The following ME1 variants were observed in gnomAD, a reference collection of about 807,000 sequenced individuals.
The protein encoded by ME1 is malic enzyme 1.
ME1 carries 74 observed loss-of-function variants against 66.4 expected under a neutral mutation model. That is an observed-to-expected ratio of 1.11 (90% confidence interval 0.92 to 1.35). The LOEUF is 1.35. ME1 is among the 40% of genes most tolerant of loss of function. ME1 has a pLI of 0.00. For missense variants in ME1, 750 were observed against 694.1 expected (o/e 1.08, Z -0.90); for synonymous variants, 251 against 235.6 (o/e 1.07, Z -0.60).
At chr6:83,266,059 ATC>A (rs1281395827) in intron 6 of ME1, among the ~76,000 whole-genome samples, 6 of 152,180 alleles carry the variant, frequency 3.9e-5, no homozygotes, top group African/African-American at 1.4e-4. Flanking sequence ...TCTATACATA[ATC>A]TTCAAAGAGG....
intron 3 of ME1, among the ~76,000 whole-genome samples, chr6:83,363,641 G>A (rs1769046662): frequency 6.6e-6 from 1 of 152,202 alleles, no homozygotes; most frequent in South Asian, 2.1e-4. Flanking sequence ...GTAGTAGAAG[G>A]TACTCATCAA....
chr6:83,246,745 A>G (rs1790631469), intron 7 of ME1, among the ~76,000 whole-genome samples: 1 of 152,110 alleles, frequency 6.6e-6, no homozygotes, highest in East Asian at 1.9e-4. Context: ...AAAGAATTGT[A>G]TCAGGTAAAG....
At chr6:83,372,907 C>T (rs930412098) in intron 3 of ME1, among the ~76,000 whole-genome samples, 7 of 152,036 alleles carry the variant, frequency 4.6e-5, no homozygotes, top group South Asian at 2.1e-4. Flanking sequence ...CTATGTCCAC[C>T]GGAAAGAAAG....
In ME1 at chr6:83,349,015, A is replaced by AAAAAAAAAAAAAAAC. The variant is rs746037012; in HGVS notation, c.439-2682_439-2681insGTTTTTTTTTTTTTT. On this transcript the variant is annotated intron_variant, in intron 4 of 13. Coordinates refer to ENST00000369705, the MANE Select transcript of ME1 (RefSeq NM_002395.6). ...AAAAAAAAAAAACAAAAAACAAAAA[A>AAAAAAAAAAAAAAAC]CAGTGCATTCTTTCTTATTTCTTCA... 1.5e-4 allele frequency among the ~76,000 whole-genome samples: 19 copies of AAAAAAAAAAAAAAAC among 124,062 alleles called. 3 individuals carry two copies. The highest frequency in any genetic ancestry group is 5.3e-4 in the African/African-American group (17 of 32,268). The allele number at this position is 124,062 out of a possible 152,430, so 81.4% of individuals were successfully genotyped here.
chr6:83,247,137 GTTT>G (rs1375042177), intron 7 of ME1, among the ~76,000 whole-genome samples: 1 of 152,008 alleles, frequency 6.6e-6, no homozygotes, highest in African/African-American at 2.4e-5. Flanking sequence ...AGTCAAACTA[GTTT>G]ATTATGGCAA....
At chr6:83,357,857 A>G (rs933103812) in intron 3 of ME1, among the ~76,000 whole-genome samples, 1 of 141,652 alleles carries the variant, frequency 7.1e-6, no homozygotes, top group African/African-American at 2.7e-5. Flanking sequence ...CAGATGGCCT[A>G]TTGTGAGACC....
At chr6:83,326,975 A>G (rs1172915257) in intron 5 of ME1, among the ~76,000 whole-genome samples, 1 of 152,228 alleles carries the variant, frequency 6.6e-6, no homozygotes, top group Non-Finnish European at 1.5e-5. Flanking sequence ...TGGATTGTGA[A>G]GATTTTATAG....
intron 9 of ME1, among the ~76,000 whole-genome samples, chr6:83,233,056 G>A (rs1790333873): frequency 6.6e-6 from 1 of 151,960 alleles, no homozygotes; most frequent in Admixed American, 6.6e-5. Flanking sequence ...CATTAATTTC[G>A]TTTATTAGTG....
At chr6:83,302,429 C>T (rs1053399508) in intron 6 of ME1, among the ~76,000 whole-genome samples, 6 of 151,988 alleles carry the variant, frequency 3.9e-5, no homozygotes, top group Non-Finnish European at 8.8e-5. Flanking sequence ...ATGTAACAAA[C>T]CTGCACATGT....
intron 2 of ME1, among the ~76,000 whole-genome samples, chr6:83,406,223 C>T (rs563324328): frequency 1.4e-3 from 206 of 152,188 alleles, no homozygotes; most frequent in African/African-American, 4.6e-3. Flanking sequence ...CTGCTGGATT[C>T]GGTTTGCAAG....
intron 3 of ME1, among the ~76,000 whole-genome samples, chr6:83,389,341 T>C (rs1043283431): frequency 4.6e-5 from 7 of 152,130 alleles, no homozygotes; most frequent in South Asian, 2.1e-4. Context: ...AAACAACATA[T>C]ACTAATTGAA....
intron 7 of ME1, among the ~76,000 whole-genome samples, chr6:83,250,725 A>G (rs1010800336): frequency 2.0e-5 from 3 of 152,246 alleles, no homozygotes; most frequent in African/African-American, 7.2e-5. Flanking sequence ...GACTGAAGAC[A>G]GTGTGAATAA....
intron 9 of ME1, among the ~76,000 whole-genome samples, chr6:83,230,999 C>T (rs143957613): frequency 6.0e-4 from 91 of 152,176 alleles, no homozygotes; most frequent in African/African-American, 2.0e-3. Context: ...AATGATCTAT[C>T]ATATCCCTAC....
At chr6:83,241,032 G>A (rs372917046) in intron 7 of ME1, among the ~76,000 whole-genome samples, 12 of 152,046 alleles carry the variant, frequency 7.9e-5, no homozygotes, top group African/African-American at 2.7e-4. Flanking sequence ...ATTACTTAAG[G>A]TGAAAATCTA....
rs115994035 is a variant in ME1, at chr6:83,347,900, G to C, written c.439-1566C>G. On this transcript the variant is annotated intron_variant, in intron 4 of 13. Transcript: ENST00000369705. ...ATAATTTGCCTAAAGTGATTTACTT[G>C]GTTAATATCAAAGAACCAGAAACCC... Among the ~76,000 whole-genome samples, 882 of 152,202 alleles carry C rather than the reference G, an allele frequency of 5.8e-3. 8 individuals are homozygous for C. Among genetic ancestry groups the C allele is most frequent in the African/African-American group, 0.02 (843 of 41,546 alleles).
intron 1 of ME1, among the ~76,000 whole-genome samples, chr6:83,418,167 G>T (rs1053617195): frequency 6.6e-6 from 1 of 152,160 alleles, no homozygotes; most frequent in East Asian, 1.9e-4. Context: ...TGTGAAGCTC[G>T]CTGTATTGGT....
intron 10 of ME1, among the ~76,000 whole-genome samples, chr6:83,228,538 T>G (rs1790240543): frequency 6.6e-6 from 1 of 152,086 alleles, no homozygotes; most frequent in African/African-American, 2.4e-5. Context: ...CCCTCTTATT[T>G]GAGAACCACT....
At chr6:83,249,738 C>G (rs1308049633) in intron 7 of ME1, among the ~76,000 whole-genome samples, 1 of 152,068 alleles carries the variant, frequency 6.6e-6, no homozygotes, top group Non-Finnish European at 1.5e-5. Context: ...TCACTCGGAA[C>G]CAATCCTTGA....
chr6:83,224,040 G>T, intron 11 of ME1, 107 bp from the exon 12 acceptor site: 1 of 1,022,606 alleles, frequency 9.8e-7, no homozygotes, highest in Non-Finnish European at 1.4e-6. Flanking sequence ...TACTTAGAAA[G>T]AAGTCTAGTT....
Sources: gnomAD v4.1 joint callset for allele counts (sites outside exome capture counted in the v4.1 genomes callset) on GRCh38, gnomAD v4.1.1 for gene constraint, MANE v1.5 for transcripts, NCBI Gene and HGNC (gene_info 2026-07-23, HGNC 2026-07-21) for gene names.